The following GRID2 variants were observed in gnomAD, a reference collection of about 807,000 sequenced individuals.
The protein encoded by GRID2 is glutamate ionotropic receptor delta type subunit 2.
Under a neutral mutation model 114.8 loss-of-function variants are expected in GRID2, and 33 were observed. The observed-to-expected ratio is 0.29, with a 90% CI of 0.22 to 0.38. GRID2 has a LOEUF of 0.38. GRID2 is among the 10% of genes least tolerant of loss of function. The probability of loss-of-function intolerance (pLI) is 1.00; values close to 1 mark genes in which losing one functional copy is unlikely to be tolerated. For missense variants in GRID2, 1,184 were observed against 1,257.7 expected (o/e 0.94, Z 0.89); for synonymous variants, 505 against 449.9 (o/e 1.12, Z -1.55).
At chr4:92,380,710 G>A (rs1451522284) in intron 1 of GRID2, among the ~76,000 whole-genome samples, 1 of 151,888 alleles carries the variant, frequency 6.6e-6, no homozygotes, top group Non-Finnish European at 1.5e-5. Flanking sequence ...ATTAAAGTGT[G>A]GAGTCATATG....
chr4:93,437,854 C>G (rs1234056338), intron 10 of GRID2, among the ~76,000 whole-genome samples: 2 of 152,084 alleles, frequency 1.3e-5, no homozygotes, highest in Non-Finnish European at 2.9e-5. Flanking sequence ...TAATCTCGTC[C>G]TCTGAGAACA....
At chr4:92,997,002 T>G (rs970704283) in intron 2 of GRID2, among the ~76,000 whole-genome samples, 3 of 152,180 alleles carry the variant, frequency 2.0e-5, no homozygotes, top group Non-Finnish European at 4.4e-5. Context: ...TGAAAGAGGT[T>G]TATCCATCAT....
chr4:92,924,867 T>G (rs565919015), intron 2 of GRID2, among the ~76,000 whole-genome samples: 31 of 152,282 alleles, frequency 2.0e-4, no homozygotes, highest in Admixed American at 7.2e-4. Context: ...TTGTTGTAGC[T>G]TCATCATATT....
intron 2 of GRID2, among the ~76,000 whole-genome samples, chr4:92,914,191 T>A (rs1748609131): frequency 6.6e-6 from 1 of 152,132 alleles, no homozygotes; most frequent in Non-Finnish European, 1.5e-5. Context: ...TATAAAGAGA[T>A]AAAATGTAAA....
chr4:93,704,650 T>C (rs1263504150), intron 14 of GRID2, among the ~76,000 whole-genome samples: 3 of 152,200 alleles, frequency 2.0e-5, no homozygotes, highest in Non-Finnish European at 4.4e-5. Flanking sequence ...TCTTGCTCTT[T>C]ATGAGTTCAA....
At chr4:92,551,758 A>G (rs1726603060) in intron 1 of GRID2, among the ~76,000 whole-genome samples, 1 of 152,140 alleles carries the variant, frequency 6.6e-6, no homozygotes, top group Non-Finnish European at 1.5e-5. Flanking sequence ...AACATGTTGC[A>G]TTGGTTGGAG....
chr4:92,477,278 C>T (rs1722367894), intron 1 of GRID2, among the ~76,000 whole-genome samples: 1 of 151,966 alleles, frequency 6.6e-6, no homozygotes, highest in Non-Finnish European at 1.5e-5. Context: ...TATTTAAGGT[C>T]TCAATGGTTA....
At chr4:93,574,008 A>G (rs1261388536) in intron 13 of GRID2, among the ~76,000 whole-genome samples, 1 of 152,198 alleles carries the variant, frequency 6.6e-6, no homozygotes, top group Non-Finnish European at 1.5e-5. Flanking sequence ...TAGATACTCA[A>G]TAAGGATGCT....
At chr4:92,654,445 A>T (rs1732125700) in intron 2 of GRID2, among the ~76,000 whole-genome samples, 1 of 152,108 alleles carries the variant, frequency 6.6e-6, no homozygotes, top group African/African-American at 2.4e-5. Flanking sequence ...CCATACACTG[A>T]AGATTTCAAA....
intron 2 of GRID2, among the ~76,000 whole-genome samples, chr4:92,709,179 G>C (rs1735095826): frequency 6.6e-6 from 1 of 152,042 alleles, no homozygotes; most frequent in African/African-American, 2.4e-5. Context: ...CTCACATACA[G>C]ATTAAGCAAT....
At position 92,853,578 on chromosome 4, in the gene GRID2, A is replaced by G. The variant is rs1578314016; in HGVS notation, c.245-231417A>G. Among the ~76,000 whole-genome samples, 4 of 152,098 alleles carry G rather than the reference A, an allele frequency of 2.6e-5. No individual in the cohort carries two copies. The South Asian group carries it at 8.3e-4, about 31-fold the overall frequency. ...ACATGACTTCCTTTTTTTATTTGCC[A>G]GAGCCTACCCTGACTCATAGTAGCT... On this transcript the variant is annotated intron_variant, in intron 2 of 15. Transcript: ENST00000282020.
chr4:93,806,235 T>C (rs1250644469), intron 1 of GRID2, among the ~76,000 whole-genome samples: 3 of 152,264 alleles, frequency 2.0e-5, no homozygotes, highest in Non-Finnish European at 2.9e-5. Flanking sequence ...TTTAAGTTTA[T>C]GCATGGTCTG....
rs71579576 is a variant in GRID2, at chr4:92,740,690, TGATAGATAGATAGATA to T, written c.244+150440_244+150455del. ...TATTCTGCATAGATAGATAGATAGA[TGATAGATAGATAGATA>T]GATAGATAGATAGATAGATAGATAG... On this transcript the variant is annotated intron_variant, in intron 2 of 15. Transcript: ENST00000282020. Among the ~76,000 whole-genome samples, 618 of 121,310 alleles carry T rather than the reference TGATAGATAGATAGATA, an allele frequency of 5.1e-3. 6 individuals are homozygous for T. Among genetic ancestry groups the T allele is most frequent in the African/African-American group, 0.012 (409 of 32,840 alleles). 79.6% of individuals were successfully genotyped at this position (121,310 alleles called of 152,430 possible).
At chr4:92,385,451 C>T (rs950280148) in intron 1 of GRID2, among the ~76,000 whole-genome samples, 1 of 151,612 alleles carries the variant, frequency 6.6e-6, no homozygotes, top group Non-Finnish European at 1.5e-5. Flanking sequence ...AAAATTGACT[C>T]ATGCTTATAT....
In GRID2 at chr4:92,938,833, C is replaced by A. The variant is rs945188143; in HGVS notation, c.245-146162C>A. Among the ~76,000 whole-genome samples, 90 of 144,964 alleles carry A rather than the reference C, an allele frequency of 6.2e-4. 4 individuals carry two copies. Among genetic ancestry groups the A allele is most frequent in the African/African-American group, 1.7e-3 (68 of 40,932 alleles). On this transcript the variant is annotated intron_variant, in intron 2 of 15. Transcript: ENST00000282020. ...TGCAGTGTTTGGTTTTTTGTCCTTGCGATAGTTTGCTAAGAATGATGGTTT... is the reference window on the plus strand; with the variant it reads ...TGCAGTGTTTGGTTTTTTGTCCTTGAGATAGTTTGCTAAGAATGATGGTTT...
At position 93,677,979 on chromosome 4, in the gene GRID2, C is replaced by T. The variant is rs554438851; in HGVS notation, c.2360+51544C>T. ...AAGGCTTCAGACGATCAAACTACTCCGAGCTACAGGAGGAAATTCAAACCA... is the reference window on the plus strand; with the variant it reads ...AAGGCTTCAGACGATCAAACTACTCTGAGCTACAGGAGGAAATTCAAACCA... On this transcript the variant is annotated intron_variant, in intron 14 of 15. Coordinates refer to ENST00000282020, the MANE Select transcript of GRID2 (RefSeq NM_001510.4). Among the ~76,000 whole-genome samples the T allele has an allele frequency of 4.9e-4, 74 of 151,698 alleles. 1 individual carries two copies. Among genetic ancestry groups the T allele is most frequent in the African/African-American group, 4.6e-4 (19 of 41,298 alleles).
rs144060988 is a variant in GRID2 at position 93,805,297 on chromosome 4, A to G, written c.222-1418A>G. Among the ~76,000 whole-genome samples the G allele has an allele frequency of 7.4e-4, 113 of 152,330 alleles. No individual in the cohort carries two copies. In the Middle Eastern group the frequency reaches 0.01, roughly 14 times the overall value. The stretch of plus-strand genomic sequence containing the variant: ...ATTATTTTGTACTGGACTTCTCAAA[A>G]TCTTTAAAACTTGTATAATTAAATC... On this transcript the variant is annotated intron_variant, in intron 1 of 1. Transcript: ENST00000637838.
At chr4:93,305,552 C>T (rs868106265) in intron 8 of GRID2, among the ~76,000 whole-genome samples, 17 of 151,860 alleles carry the variant, frequency 1.1e-4, no homozygotes, top group Non-Finnish European at 1.8e-4. Context: ...AATATGCAAA[C>T]CAAACTAGTG....
At chr4:93,771,448 T>G (rs1449574399) in intron 15 of GRID2, among the ~76,000 whole-genome samples, 1 of 152,200 alleles carries the variant, frequency 6.6e-6, no homozygotes, top group Non-Finnish European at 1.5e-5. Flanking sequence ...CAGTATTGAC[T>G]GATTCAGGTG....
Sources: gnomAD v4.1 joint callset for allele counts (sites outside exome capture counted in the v4.1 genomes callset) on GRCh38, gnomAD v4.1.1 for gene constraint, MANE v1.5 for transcripts, NCBI Gene and HGNC (gene_info 2026-07-23, HGNC 2026-07-21) for gene names.